The following UNC13C variants were observed in gnomAD, a reference collection of about 807,000 sequenced individuals.
UNC13C encodes protein unc-13 homolog C.
In UNC13C, 174 loss-of-function variants were observed where a neutral mutation model predicts 245.4. The ratio of observed to expected loss-of-function variants is 0.71; its 90% confidence interval spans 0.63 to 0.80. UNC13C has a LOEUF of 0.80. Among genes scored for constraint, UNC13C ranks in the 30% least tolerant of loss-of-function variants. The probability of loss-of-function intolerance (pLI) is 0.00; values close to 1 mark genes in which losing one functional copy is unlikely to be tolerated. For synonymous variants in UNC13C, 992 were observed against 895.1 expected, an observed-to-expected ratio of 1.11 and a Z score of -1.93; for missense variants, 2,829 against 2,602.9, an observed-to-expected ratio of 1.09 and a Z score of -1.89.
chr15:54,570,260 A>G (rs1401716247), intron 30 of UNC13C, among the ~76,000 whole-genome samples: 9 of 152,110 alleles, frequency 5.9e-5, no homozygotes, highest in Non-Finnish European at 1.3e-4. Flanking sequence ...CTACTTGAAA[A>G]TCCATTCCTT....
At chr15:53,910,322 C>A in the UNC13C span, among the ~76,000 whole-genome samples, 1 of 145,676 alleles carries the variant, frequency 6.9e-6, no homozygotes, top group East Asian at 2.0e-4. Context: ...GTGATTTGGT[C>A]AAGGAATAGG....
At chr15:54,291,981 A>C (rs1192926389) in intron 10 of UNC13C, among the ~76,000 whole-genome samples, 3 of 152,034 alleles carry the variant, frequency 2.0e-5, no homozygotes, top group Non-Finnish European at 4.4e-5. Context: ...CACTGTTGAT[A>C]GAATTAAGAT....
chr15:54,208,570 G>T (rs903830316), intron 4 of UNC13C, among the ~76,000 whole-genome samples: 8 of 152,050 alleles, frequency 5.3e-5, no homozygotes, highest in Non-Finnish European at 1.2e-4. Context: ...AAGTAGAAAT[G>T]ATAGATAATA....
At position 54,558,927 on chromosome 15, in the gene UNC13C, G is replaced by T. The variant is rs138849943; in HGVS notation, c.5958+3415G>T. On this transcript the variant is annotated intron_variant, in intron 29 of 32. Coordinates refer to ENST00000260323, the MANE Select transcript of UNC13C (RefSeq NM_001080534.3). ...AACCCCATATCTCAAGAAGACTCAGGACTGACATGAGATTCCCCTAAATGT... is the reference window on the plus strand; with the variant it reads ...AACCCCATATCTCAAGAAGACTCAGTACTGACATGAGATTCCCCTAAATGT... Among the ~76,000 whole-genome samples, 44 of 152,068 alleles carry T rather than the reference G, an allele frequency of 2.9e-4. 1 individual carries two copies. The highest frequency in any genetic ancestry group is 9.9e-4 in the African/African-American group (41 of 41,530).
At chr15:54,496,600 T>C (rs1238586105) in intron 20 of UNC13C, among the ~76,000 whole-genome samples, 2 of 151,956 alleles carry the variant, frequency 1.3e-5, no homozygotes, top group Non-Finnish European at 2.9e-5. Context: ...TGTGTGTATA[T>C]ATATATATAT....
chr15:54,615,390 A>C (rs1051648027), intron 30 of UNC13C, among the ~76,000 whole-genome samples: 3 of 151,978 alleles, frequency 2.0e-5, no homozygotes, highest in African/African-American at 7.2e-5. Flanking sequence ...GACTGACTTC[A>C]TCTGAACTAA....
chr15:54,584,512 T>G (rs1181573028), intron 30 of UNC13C, among the ~76,000 whole-genome samples: 1 of 152,310 alleles, frequency 6.6e-6, no homozygotes, highest in Non-Finnish European at 1.5e-5. Context: ...TGTCCTACAT[T>G]GTTAAAGAAA....
At chr15:53,954,823 G>T in the UNC13C span, among the ~76,000 whole-genome samples, 1 of 152,118 alleles carries the variant, frequency 6.6e-6, no homozygotes, top group Non-Finnish European at 1.5e-5. Flanking sequence ...AAATGCTACG[G>T]TTAAGTTTGT....
At chr15:54,286,384 A>G (rs1047609504) in intron 10 of UNC13C, among the ~76,000 whole-genome samples, 1 of 152,142 alleles carries the variant, frequency 6.6e-6, no homozygotes, top group Non-Finnish European at 1.5e-5. Flanking sequence ...GCTTCATTAG[A>G]TCTAGCCCAA....
the UNC13C span, among the ~76,000 whole-genome samples, chr15:53,838,653 T>G: frequency 6.6e-6 from 1 of 152,014 alleles, no homozygotes; most frequent in African/African-American, 2.4e-5. Context: ...TAATTTGGAT[T>G]GACAACATTT....
intron 28 of UNC13C, among the ~76,000 whole-genome samples, chr15:54,554,761 TTTA>T (rs1404767812): frequency 6.6e-6 from 1 of 152,108 alleles, no homozygotes; most frequent in African/African-American, 2.4e-5. Flanking sequence ...TTTTATTTCC[TTTA>T]TTATTTTCTT....
chr15:54,626,958 A>G lies in UNC13C; in HGVS notation c.6490A>G (p.Ser2164Gly). ...GCTACAGAACATAGCAGAAAAGGGA[A>G]GCTATGGGGCATGGTATCCTCTTCT... is the stretch of plus-strand genomic sequence containing the variant. ...IQLQNIAEKG[S>G]YGAWYPLLKN... Residue 2164 changes from serine (S) to glycine (G), a missense_variant, in exon 33 of 33, where the codon AGC becomes GGC. Transcript: ENST00000260323. 1.2e-6 allele frequency: 2 copies of G among 1,613,526 alleles called. No homozygotes were observed. Among genetic ancestry groups the G allele is most frequent in the South Asian group, 1.1e-5 (1 of 91,076 alleles).
the UNC13C span, among the ~76,000 whole-genome samples, chr15:53,842,658 G>C: frequency 6.6e-6 from 1 of 152,068 alleles, no homozygotes. Context: ...TGTTATGGTT[G>C]GAGATATTAA....
At chr15:54,392,460 G>A (rs2039978585) in intron 17 of UNC13C, among the ~76,000 whole-genome samples, 1 of 151,946 alleles carries the variant, frequency 6.6e-6, no homozygotes, top group Non-Finnish European at 1.5e-5. Context: ...TAGTTACCTA[G>A]ATAAATTTGT....
chr15:53,883,575 A>G, the UNC13C span, among the ~76,000 whole-genome samples: 8 of 152,250 alleles, frequency 5.3e-5, no homozygotes, highest in East Asian at 3.8e-4. Flanking sequence ...AATCAAATAC[A>G]TAAATGACAG....
chr15:53,862,429 C>T, the UNC13C span, among the ~76,000 whole-genome samples: 1 of 152,062 alleles, frequency 6.6e-6, no homozygotes, highest in Non-Finnish European at 1.5e-5. Flanking sequence ...TAATCTTTAA[C>T]TAGAGCCTGG....
rs75484476 is a variant in UNC13C, at chr15:54,246,782, G to A, written c.3229-3443G>A. On this transcript the variant is annotated intron_variant, in intron 7 of 32. Transcript: ENST00000260323. ...GGGGGTGGGAGGAGGGAAAGCAGCA[G>A]GGAGAATAGCTAATGGATGCTGGGC... 1.4e-3 allele frequency among the ~76,000 whole-genome samples: 214 copies of A among 152,060 alleles called. 2 individuals carry two copies. In the East Asian group the frequency reaches 0.04, roughly 29 times the overall value.
chr15:54,367,299 A>G (rs534841550), intron 17 of UNC13C, among the ~76,000 whole-genome samples: 1 of 152,282 alleles, frequency 6.6e-6, no homozygotes, highest in Admixed American at 6.5e-5. Flanking sequence ...CCCTGCAACT[A>G]TATTTACATT....
rs754830861 is a variant in UNC13C, at chr15:54,125,096, A to G, written c.2984-17922A>G. Among the ~76,000 whole-genome samples the G allele has an allele frequency of 7.4e-4, 112 of 152,178 alleles. 1 individual carries two copies. The highest frequency in any genetic ancestry group is 1.3e-4 in the Non-Finnish European group (9 of 68,036). On this transcript the variant is annotated intron_variant, in intron 2 of 32. Coordinates refer to ENST00000260323, the MANE Select transcript of UNC13C (RefSeq NM_001080534.3). ...CCCTCCCATTTTATTCTTTTCTATCAGAGTTGTTTTTAGCTATTGTAGTTC... is the reference window on the plus strand; with the variant it reads ...CCCTCCCATTTTATTCTTTTCTATCGGAGTTGTTTTTAGCTATTGTAGTTC...
Sources: allele counts gnomAD v4.1 joint callset (sites outside exome capture counted in the v4.1 genomes callset), GRCh38; gene constraint gnomAD v4.1.1; transcripts MANE v1.5; gene names NCBI Gene and HGNC (gene_info 2026-07-23, HGNC 2026-07-21).